Variants in TNPO1 observed in about 807,000 individuals in gnomAD.
The protein encoded by TNPO1 is transportin-1.
A neutral mutation model predicts 119.5 loss-of-function variants in TNPO1; 8 were observed. The observed-to-expected ratio is 0.07, with a 90% CI of 0.04 to 0.12. The LOEUF (loss-of-function observed/expected upper bound fraction) is 0.12. TNPO1 is among the 10% of genes least tolerant of loss of function. TNPO1 has a pLI of 1.00. For missense variants in TNPO1, 576 were observed against 1,089.8 expected (o/e 0.53, Z 6.64); for synonymous variants, 362 against 363.0 (o/e 1.00, Z 0.03).
At chr5:72,844,631 T>C (rs951947256) in intron 1 of TNPO1, among the ~76,000 whole-genome samples, 1 of 152,192 alleles carries the variant, frequency 6.6e-6, no homozygotes, top group African/African-American at 2.4e-5. Context: ...ATTACACATA[T>C]TGTGTGCCAG....
In TNPO1 at chr5:72,837,388, G is replaced by A. The variant is rs148144605; in HGVS notation, c.16-10997G>A. Among the ~76,000 whole-genome samples the A allele has an allele frequency of 7.9e-5, 12 of 152,270 alleles. No homozygotes were observed. In the East Asian group the frequency reaches 2.3e-3, roughly 29 times the overall value. ...CACATGGCTGAAGGGGAGCAGCAGG[G>A]CCAAATAGATGCCCTCAAGCCCTTT... On this transcript the variant is annotated intron_variant, in intron 1 of 24. Transcript: ENST00000337273.
Position 72,877,086 on chromosome 5 carries a change from C to T in TNPO1, c.802-142C>T, listed in dbSNP as rs1268329805. Reference sequence around the variant, plus strand: ...TTCCAGCCTGGGCGACAGAGTGAGACTGCATCTCAAAAAAAAAAAAAAAAA... The same window carrying T: ...TTCCAGCCTGGGCGACAGAGTGAGATTGCATCTCAAAAAAAAAAAAAAAAA... On this transcript the variant is annotated intron_variant, in intron 8 of 24. Coordinates refer to ENST00000337273, the MANE Select transcript of TNPO1 (RefSeq NM_002270.4). 5.3e-5 allele frequency: 21 copies of T among 392,826 alleles called. No homozygotes were observed. The Admixed American group carries it at 1.1e-3, about 21-fold the overall frequency. The allele number at this position is 392,826 out of a possible 1,614,324, so 24.3% of individuals were successfully genotyped here.
At chr5:72,880,089 A>G (rs1748119806) in intron 9 of TNPO1, among the ~76,000 whole-genome samples, 1 of 152,138 alleles carries the variant, frequency 6.6e-6, no homozygotes, top group African/African-American at 2.4e-5. Context: ...TGTGTGGCTG[A>G]GGCAGGAGAG....
At chr5:72,888,038 A>G in intron 12 of TNPO1, 40 bp from the exon 13 acceptor site, 1 of 1,579,584 alleles carries the variant, frequency 6.3e-7, no homozygotes, top group Non-Finnish European at 8.7e-7. Flanking sequence ...AATAATGTTA[A>G]CTAAATTTTA....
intron 1 of TNPO1, among the ~76,000 whole-genome samples, chr5:72,839,225 T>G (rs947090508): frequency 6.6e-6 from 1 of 152,192 alleles, no homozygotes; most frequent in African/African-American, 2.4e-5. Context: ...GAATCGGACC[T>G]AATTATTTTG....
intron 1 of TNPO1, among the ~76,000 whole-genome samples, chr5:72,832,912 A>G (rs1428835630): frequency 2.6e-5 from 4 of 152,176 alleles, no homozygotes; most frequent in Admixed American, 6.5e-5. Flanking sequence ...CCATCTGGGT[A>G]TATTCATTAG....
At chr5:72,857,776 A>G (rs566079577) in intron 4 of TNPO1, among the ~76,000 whole-genome samples, 5 of 152,362 alleles carry the variant, frequency 3.3e-5, no homozygotes, top group Non-Finnish European at 7.3e-5. Flanking sequence ...GGTTCAAACT[A>G]CAATACTCTG....
chr5:72,846,774 A>G (rs1383890953), intron 1 of TNPO1, among the ~76,000 whole-genome samples: 2 of 152,206 alleles, frequency 1.3e-5, no homozygotes, highest in Non-Finnish European at 2.9e-5. Context: ...AAATCCATCT[A>G]TGGATCATAT....
Position 72,848,403 on chromosome 5 carries a change from G to A in TNPO1, c.34G>A (p.Glu12Lys). The change falls in exon 2 of 25, where the codon GAG becomes AAG. Residue 12 changes from glutamate (E) to lysine (K), a missense_variant. Coordinates refer to ENST00000337273, the MANE Select transcript of TNPO1 (RefSeq NM_002270.4). ...TTTGCAGCAAACCAAGATGGAGTAT[G>A]AGTGGAAACCTGACGAGCAAGGGCT... ...VWDRQTKMEY[E>K]WKPDEQGLQQ... 1 of 1,611,800 alleles carries A rather than the reference G, an allele frequency of 6.2e-7. No homozygotes were observed. Among genetic ancestry groups the A allele is most frequent in the South Asian group, 1.1e-5 (1 of 90,980 alleles).
chr5:72,888,379 T>C, intron 13 of TNPO1, 76 bp downstream of exon 13: 1 of 1,272,462 alleles, frequency 7.9e-7, no homozygotes, highest in Non-Finnish European at 1.1e-6. Flanking sequence ...GGAGTGTTGG[T>C]GTTAAACCTA....
Position 72,885,329 on chromosome 5 carries a change from C to G in TNPO1, c.1151-1741C>G, listed in dbSNP as rs376590799. On this transcript the variant is annotated intron_variant, in intron 11 of 24. Coordinates refer to ENST00000337273, the MANE Select transcript of TNPO1 (RefSeq NM_002270.4). Reference sequence around the variant, plus strand: ...GTTTACTACTATTACAAATTACTTCCCAGTGTATCCCTACTTTCAGATTAG... The same window carrying G: ...GTTTACTACTATTACAAATTACTTCGCAGTGTATCCCTACTTTCAGATTAG... Among the ~76,000 whole-genome samples the G allele has an allele frequency of 5.3e-5, 8 of 152,252 alleles. No homozygotes were observed. In the South Asian group the frequency reaches 8.3e-4, roughly 16 times the overall value.
At chr5:72,828,522 TAC>T (rs777812451) in intron 1 of TNPO1, among the ~76,000 whole-genome samples, 5 of 152,178 alleles carry the variant, frequency 3.3e-5, no homozygotes, top group African/African-American at 4.8e-5. Context: ...TACACACACA[TAC>T]ACACACAAAT....
intron 1 of TNPO1, among the ~76,000 whole-genome samples, chr5:72,834,716 T>C (rs746276083): frequency 2.4e-4 from 37 of 152,240 alleles, no homozygotes; most frequent in Non-Finnish European, 4.9e-4. Context: ...AGAAAGAAAT[T>C]GTTGTTTAAG....
Position 72,861,341 on chromosome 5 carries a change from A to G in TNPO1, c.356-467A>G, listed in dbSNP as rs191317113. Among the ~76,000 whole-genome samples, 173 of 152,350 alleles carry G rather than the reference A, an allele frequency of 1.1e-3. 1 individual carries two copies. The highest frequency in any genetic ancestry group is 3.9e-3 in the African/African-American group (163 of 41,596). On this transcript the variant is annotated intron_variant, in intron 4 of 24. Transcript: ENST00000337273. ...AATGTTGAAAAACACTATTAGAAAC[A>G]GATCTGGTTTATGTGAGGTTTTTTT...
chr5:72,848,728 C>G (rs1008193701), intron 2 of TNPO1, among the ~76,000 whole-genome samples: 1 of 147,648 alleles, frequency 6.8e-6, no homozygotes, highest in Admixed American at 6.7e-5. Context: ...GGGCTCACGC[C>G]GCCAAGGCCA....
intron 1 of TNPO1, among the ~76,000 whole-genome samples, chr5:72,846,435 TA>T (rs1267784076): frequency 1.3e-5 from 2 of 152,056 alleles, no homozygotes; most frequent in African/African-American, 2.4e-5. Flanking sequence ...AGGATGATCT[TA>T]AAAAAAGAGG....
rs186138101 is a variant in TNPO1 at position 72,850,312 on chromosome 5, A to G, written c.130-932A>G. On this transcript the variant is annotated intron_variant, in intron 2 of 24. Transcript: ENST00000337273. ...TTGTTGTTAATCTGGGCCATTCACT[A>G]AAACAAGAATTACTGTCTTGGTTGG... is the stretch of plus-strand genomic sequence containing the variant. Among the ~76,000 whole-genome samples, 455 of 152,358 alleles carry G rather than the reference A, an allele frequency of 3.0e-3. 2 individuals carry two copies. Among genetic ancestry groups the G allele is most frequent in the Middle Eastern group, 0.024 (7 of 294 alleles).
At chr5:72,906,264 CTTTTTTTTTTCTTTTTTTTTT>C (rs1478643317) in intron 24 of TNPO1, among the ~76,000 whole-genome samples, 4 of 90,238 alleles carry the variant, frequency 4.4e-5, no homozygotes, top group African/African-American at 1.9e-4. Context: ...GTGCCCATCA[CTTTTTTTTTTCTTTTTTTTTT>C]TTTTTTTTTT....
At chr5:72,892,042 C>G (rs966319360) in intron 15 of TNPO1, 146 bp downstream of exon 15, 3 of 595,126 alleles carry the variant, frequency 5.0e-6, no homozygotes, top group Non-Finnish European at 8.6e-6. Context: ...CTCTAACCTG[C>G]TTTACTTAAT....
Sources: allele counts gnomAD v4.1 joint callset (sites outside exome capture counted in the v4.1 genomes callset), GRCh38; gene constraint gnomAD v4.1.1; transcripts MANE v1.5; gene names NCBI Gene and HGNC (gene_info 2026-07-23, HGNC 2026-07-21).